Variants in TNS4 observed in about 807,000 individuals in gnomAD.
TNS4 encodes the protein tensin-4.
Under a neutral mutation model 70.4 loss-of-function variants are expected in TNS4, and 46 were observed. The observed-to-expected ratio is 0.65, with a 90% CI of 0.52 to 0.84. The LOEUF is 0.84. Ranked by LOEUF, TNS4 falls within the 40% of genes least tolerant of loss-of-function variation. The probability of loss-of-function intolerance (pLI) is 0.00; values close to 1 mark genes in which losing one functional copy is unlikely to be tolerated. For synonymous variants in TNS4, 390 were observed against 366.6 expected, an observed-to-expected ratio of 1.06 and a Z score of -0.73; for missense variants, 863 against 907.0, an observed-to-expected ratio of 0.95 and a Z score of 0.62.
At chr17:40,485,425 G>C (rs1318938860) in intron 4 of TNS4, among the ~76,000 whole-genome samples, 3 of 152,198 alleles carry the variant, frequency 2.0e-5, no homozygotes, top group African/African-American at 7.2e-5. Flanking sequence ...GGAATATTCA[G>C]CTTGGAAAAG....
chr17:40,479,898 C>T, intron 9 of TNS4, 56 bp from the exon 10 acceptor site: 1 of 1,534,682 alleles, frequency 6.5e-7, no homozygotes, highest in Non-Finnish European at 8.8e-7. Context: ...GGTTCTCCCT[C>T]TGCCCAGGGC....
At position 40,488,613 on chromosome 17, in the gene TNS4, G is replaced by A; in HGVS notation, c.796C>T (p.Gln266Ter). Residue 266 changes from glutamine (Q) to a stop codon, truncating the protein, a stop_gained, in exon 3 of 13, where the codon CAG (glutamine) becomes TAG (stop). Transcript: ENST00000254051. LOFTEE classifies it high-confidence loss of function. The stretch of plus-strand genomic sequence containing the variant: ...AGCACAGAGATCCTGCTGCCCCGCT[G>A]TGGGGCCAGGCCTCCCAGCCGCTTC... The part of the protein sequence containing the change: ...LEKRLGGLAP[Q>*]RGSRISVLSA... 1.3e-6 allele frequency: 2 copies of A among 1,518,066 alleles called. No individual in the cohort carries two copies. Among genetic ancestry groups the A allele is most frequent in the Non-Finnish European group, 1.8e-6 (2 of 1,133,484 alleles). The allele number at this position is 1,518,066 out of a possible 1,614,324, so 94.0% of individuals were successfully genotyped here. A position where few individuals can be genotyped will look rare whatever the true frequency, so the allele number is the denominator to read the frequency against.
At chr17:40,484,778 A>G (rs2035970305) in intron 5 of TNS4, 143 bp downstream of exon 5, 1 of 1,332,358 alleles carries the variant, frequency 7.5e-7, no homozygotes, top group South Asian at 1.4e-5. Flanking sequence ...CTTCCTCGGG[A>G]GGTCATGAGG....
chr17:40,500,276 C>T (rs2036195039), intron 1 of TNS4, among the ~76,000 whole-genome samples: 1 of 152,250 alleles, frequency 6.6e-6, no homozygotes, highest in Admixed American at 6.5e-5. Flanking sequence ...AAAGGGCAGG[C>T]AGCCCCTACG....
chr17:40,489,876 C>A (rs1429686665), intron 2 of TNS4, among the ~76,000 whole-genome samples: 1 of 151,350 alleles, frequency 6.6e-6, no homozygotes, highest in Non-Finnish European at 1.5e-5. Flanking sequence ...ACACACTAGA[C>A]TCACCCCAGG....
intron 8 of TNS4, among the ~76,000 whole-genome samples, chr17:40,481,100 G>A (rs2035916329): frequency 6.6e-6 from 1 of 152,074 alleles, no homozygotes; most frequent in Non-Finnish European, 1.5e-5. Context: ...TTTGCAGAAA[G>A]CGAGGAGGCT....
At chr17:40,490,673 C>G (rs1399933180) in intron 2 of TNS4, among the ~76,000 whole-genome samples, 1 of 152,214 alleles carries the variant, frequency 6.6e-6, no homozygotes, top group African/African-American at 2.4e-5. Context: ...ATCAGATGAG[C>G]AAGGGCTGGC....
In TNS4 at chr17:40,482,131, C is replaced by A. The variant is rs1246208936; in HGVS notation, c.1670G>T (p.Arg557Ile). 2 of 1,614,152 alleles carry A rather than the reference C, an allele frequency of 1.2e-6. No individual in the cohort carries two copies. ...GCCTCTTTGGGGCCCAGACCCACCTCTCTGTGGGATGGTGAGTTTGCAGGG... is the reference window on the plus strand; with the variant it reads ...GCCTCTTTGGGGCCCAGACCCACCTATCTGTGGGATGGTGAGTTTGCAGGG... The part of the protein sequence containing the change: ...ALPCKLTIPQ[R>I]ELGGADGASD... Residue 557 changes from arginine (R) to isoleucine (I), a missense_variant and splice_region_variant, in exon 8 of 13, where the codon AGA (arginine) becomes ATA (isoleucine). Physicochemically the swap from Arg to Ile is moderately conservative, Grantham distance 97. Coordinates refer to ENST00000254051, the MANE Select transcript of TNS4 (RefSeq NM_032865.6).
In TNS4 at chr17:40,476,967, C is replaced by T. The variant is rs1027559793; in HGVS notation, c.*621G>A. The stretch of plus-strand genomic sequence containing the variant: ...CTCCTCTGACCATGGGGACAAGTTC[C>T]CCCTGCTGAGCTGCCCTAAATACCA... On this transcript the variant is annotated 3_prime_UTR_variant, in exon 13 of 13. Coordinates refer to ENST00000254051, the MANE Select transcript of TNS4 (RefSeq NM_032865.6). The T allele has an allele frequency of 6.6e-6, 1 of 152,280 alleles. No homozygotes were observed. Among genetic ancestry groups the T allele is most frequent in the Non-Finnish European group, 1.5e-5 (1 of 68,104 alleles). The allele number at this position is 152,280 out of a possible 1,614,324, so 9.4% of individuals were successfully genotyped here.
chr17:40,477,368 G>T lies in TNS4; in HGVS notation c.*220C>A. ...TAAGAACAGCTGATCTTGTCTATTG[G>T]TCTTCTTCTATGATTGAGGAAACTG... On this transcript the variant is annotated 3_prime_UTR_variant, in exon 13 of 13. Transcript: ENST00000254051. 1.9e-6 allele frequency: 1 copy of T among 538,420 alleles called. No homozygotes were observed. 33.4% of individuals were successfully genotyped at this position (538,420 alleles called of 1,614,324 possible).
At chr17:40,484,415 C>T in intron 6 of TNS4, 69 bp downstream of exon 6, 1 of 1,578,734 alleles carries the variant, frequency 6.3e-7, no homozygotes, top group Non-Finnish European at 8.6e-7. Flanking sequence ...GTGCCAGAGC[C>T]AGGACTGGAA....
At chr17:40,496,585 C>A in intron 1 of TNS4, 65 bp from the exon 2 acceptor site, 1 of 713,818 alleles carries the variant, frequency 1.4e-6, no homozygotes, top group Non-Finnish European at 2.2e-6. Context: ...TCCCACCCTC[C>A]GTACAAAGGC....
rs935392062 is a variant in TNS4 at position 40,478,470 on chromosome 17, T to C, written c.1979+110A>G. On this transcript the variant is annotated intron_variant, in intron 11 of 12. Transcript: ENST00000254051. ...ACCCTCATTCTGTCACCCTGACCCC[T>C]TGAGGTTCACAGGCTCCCTCTGGGA... The C allele has an allele frequency of 3.5e-5, 45 of 1,288,350 alleles. No homozygotes were observed. In the East Asian group the frequency reaches 1.4e-3, roughly 41 times the overall value. 79.8% of individuals were successfully genotyped at this position (1,288,350 alleles called of 1,614,324 possible). A position where few individuals can be genotyped will look rare whatever the true frequency, so the allele number is the denominator to read the frequency against.
At chr17:40,484,707 CT>C in intron 5 of TNS4, 98 bp from the exon 6 acceptor site, 9 of 1,546,080 alleles carry the variant, frequency 5.8e-6, no homozygotes, top group Non-Finnish European at 7.9e-6. Flanking sequence ...ACAGAGTCAC[CT>C]TTTGTCCCCA....
chr17:40,477,797 T>G (rs914365761), intron 12 of TNS4, 68 bp from the exon 13 acceptor site: 7 of 1,425,518 alleles, frequency 4.9e-6, no homozygotes, highest in African/African-American at 2.8e-5. Context: ...GGGAATGGGG[T>G]GGTGGGGGGC....
intron 12 of TNS4, chr17:40,478,081 C>G: frequency 1.6e-6 from 1 of 628,708 alleles, no homozygotes; most frequent in East Asian, 2.7e-5. Context: ...GAAGTTAGAG[C>G]CTGTGCCTCT....
intron 1 of TNS4, among the ~76,000 whole-genome samples, chr17:40,500,797 C>T (rs774369383): frequency 6.9e-6 from 1 of 144,594 alleles, no homozygotes; most frequent in Non-Finnish European, 1.5e-5. Flanking sequence ...ATCTTCCCAT[C>T]CCTCCCACCC....
chr17:40,500,002 G>C (rs2036192326), intron 1 of TNS4, among the ~76,000 whole-genome samples: 1 of 152,200 alleles, frequency 6.6e-6, no homozygotes, highest in Non-Finnish European at 1.5e-5. Flanking sequence ...TGTGTGATGG[G>C]GATGTGATAA....
intron 4 of TNS4, 107 bp downstream of exon 4, chr17:40,486,929 C>T (rs2035996165): frequency 1.4e-6 from 2 of 1,424,346 alleles, no homozygotes; most frequent in African/African-American, 2.8e-5. Flanking sequence ...GTGCCAGACA[C>T]ACAATAGTTG....
Sources: allele counts gnomAD v4.1 joint callset (sites outside exome capture counted in the v4.1 genomes callset), GRCh38; gene constraint gnomAD v4.1.1; transcripts MANE v1.5; gene names NCBI Gene and HGNC (gene_info 2026-07-23, HGNC 2026-07-21).